RTN1: variants seen among roughly 807,000 people sequenced by gnomAD.
The protein encoded by RTN1 is reticulon-1.
In RTN1, 25 loss-of-function variants were observed where a neutral mutation model predicts 65.5. The observed-to-expected ratio is 0.38, with a 90% confidence interval of 0.28 to 0.53. The LOEUF (loss-of-function observed/expected upper bound fraction) is 0.53, where lower values mean the gene tolerates loss of function less well. Among genes scored for constraint, RTN1 ranks in the 20% least tolerant of loss-of-function variants. The pLI is 0.79. For missense variants in RTN1, 983 were observed against 1,025.4 expected, an observed-to-expected ratio of 0.96 and a Z score of 0.57; for synonymous variants, 471 against 447.6, an observed-to-expected ratio of 1.05 and a Z score of -0.66.
At chr14:59,709,660 G>A (rs1167862348) in intron 3 of RTN1, among the ~76,000 whole-genome samples, 3 of 152,108 alleles carry the variant, frequency 2.0e-5, no homozygotes, top group Admixed American at 1.3e-4. Context: ...GCCTATGGGG[G>A]TCCAGGCAGA....
At chr14:59,599,097 A>G (rs969760492) in intron 8 of RTN1, among the ~76,000 whole-genome samples, 2 of 152,198 alleles carry the variant, frequency 1.3e-5, no homozygotes, top group African/African-American at 2.4e-5. Context: ...TTTTTTAAAG[A>G]TGCTTCAGCA....
intron 1 of RTN1, among the ~76,000 whole-genome samples, chr14:59,751,177 G>C (rs1269457403): frequency 6.8e-6 from 1 of 146,564 alleles, no homozygotes; most frequent in Non-Finnish European, 1.5e-5. Context: ...TCTCAGCTAG[G>C]CTTCTCATTA....
intron 1 of RTN1, among the ~76,000 whole-genome samples, chr14:59,752,380 G>T (rs1343746487): frequency 1.3e-5 from 2 of 151,816 alleles, no homozygotes; most frequent in Non-Finnish European, 2.9e-5. Context: ...CTTTTATAAG[G>T]TCACTAATTC....
intron 3 of RTN1, among the ~76,000 whole-genome samples, chr14:59,668,163 A>C (rs1195427597): frequency 6.6e-6 from 1 of 152,224 alleles, no homozygotes; most frequent in Non-Finnish European, 1.5e-5. Context: ...CTACAGAAAA[A>C]GAACAAAGCT....
At chr14:59,607,147 G>T in intron 4 of RTN1, 138 bp downstream of exon 4, 1 of 659,044 alleles carries the variant, frequency 1.5e-6, no homozygotes, top group Non-Finnish European at 2.6e-6. Context: ...GATATTCAAA[G>T]ACAGGGTGTT....
In RTN1 at chr14:59,827,180, G is replaced by A. The variant is rs556577276; in HGVS notation, c.241+43210C>T. ...TGCGAGCTCTGTCTCCCGGGTTCAC[G>A]CCATTCTCCTGCCTCAACCTCCCGA... On this transcript the variant is annotated intron_variant, in intron 1 of 8. Coordinates refer to ENST00000267484, the MANE Select transcript of RTN1 (RefSeq NM_021136.3). 2.4e-3 allele frequency among the ~76,000 whole-genome samples: 359 copies of A among 152,210 alleles called. 2 individuals carry two copies. The highest frequency in any genetic ancestry group is 8.0e-3 in the African/African-American group (332 of 41,530).
rs1481272251 is a variant in RTN1, at chr14:59,829,235, C to T, written c.241+41155G>A. Among the ~76,000 whole-genome samples the T allele has an allele frequency of 3.3e-5, 5 of 152,082 alleles. No homozygotes were observed. Among genetic ancestry groups the T allele is most frequent in the South Asian group, 2.1e-4 (1 of 4,828 alleles). ...GAATAAGATGTACTCTCTTAGGGAGCCTGTGATCTGGCAGATGAGCAATAA... is the reference window on the plus strand; with the variant it reads ...GAATAAGATGTACTCTCTTAGGGAGTCTGTGATCTGGCAGATGAGCAATAA... On this transcript the variant is annotated intron_variant, in intron 1 of 8. Transcript: ENST00000267484. The surrounding 1 kb of genome is among the most constrained non-coding windows in gnomAD (Gnocchi z 4.3).
Position 59,844,033 on chromosome 14 carries a change from AT to A in RTN1, c.241+26356del, listed in dbSNP as rs1200225655. 7.9e-5 allele frequency among the ~76,000 whole-genome samples: 12 copies of A among 152,324 alleles called. No homozygotes were observed. The South Asian group carries it at 2.1e-3, about 26-fold the overall frequency. On this transcript the variant is annotated intron_variant, in intron 1 of 8. Transcript: ENST00000267484. ...TTGAGAATCTCGGCATTCTCTTAGG[AT>A]TCCCTTGCTCCCTGCCTCTTTGTGA...
chr14:59,769,085 C>G (rs1885904698), intron 1 of RTN1, among the ~76,000 whole-genome samples: 1 of 152,092 alleles, frequency 6.6e-6, no homozygotes, highest in Non-Finnish European at 1.5e-5. Context: ...AAGACTACGT[C>G]ATTGAATTCT....
intron 1 of RTN1, among the ~76,000 whole-genome samples, chr14:59,834,405 G>C: frequency 6.6e-6 from 1 of 152,116 alleles, no homozygotes. Flanking sequence ...AAAAGAGACT[G>C]TTAAGAGAAT....
intron 2 of RTN1, among the ~76,000 whole-genome samples, chr14:59,743,807 G>A (rs544974861): frequency 4.9e-4 from 74 of 152,184 alleles, no homozygotes; most frequent in African/African-American, 1.1e-3. Context: ...CGTCAGCACC[G>A]TACAATTCCC....
At position 59,851,597 on chromosome 14, in the gene RTN1, C is replaced by T. The variant is rs374413688; in HGVS notation, c.241+18793G>A. On this transcript the variant is annotated intron_variant, in intron 1 of 8. Coordinates refer to ENST00000267484, the MANE Select transcript of RTN1 (RefSeq NM_021136.3). ...CAATTTGGCCAGGCGTGGTGGCTCACGCCTGTAATCCCAGCACTTTGGGAG... is the reference window on the plus strand; with the variant it reads ...CAATTTGGCCAGGCGTGGTGGCTCATGCCTGTAATCCCAGCACTTTGGGAG... 1.5e-4 allele frequency among the ~76,000 whole-genome samples: 23 copies of T among 152,146 alleles called. No individual in the cohort carries two copies. In the East Asian group the frequency reaches 2.1e-3, roughly 14 times the overall value.
At chr14:59,680,696 C>T (rs1883728658) in intron 3 of RTN1, among the ~76,000 whole-genome samples, 1 of 152,122 alleles carries the variant, frequency 6.6e-6, no homozygotes, top group African/African-American at 2.4e-5. Context: ...TTCCAGAAAT[C>T]TATCTCAAGA....
intron 1 of RTN1, among the ~76,000 whole-genome samples, chr14:59,791,961 G>A (rs532415511): frequency 6.6e-6 from 1 of 151,994 alleles, no homozygotes; most frequent in African/African-American, 2.4e-5. Flanking sequence ...AATCAAGGAG[G>A]AATGGGAGAC....
intron 3 of RTN1, among the ~76,000 whole-genome samples, chr14:59,609,317 C>T (rs1386432343): frequency 2.6e-5 from 4 of 151,306 alleles, no homozygotes; most frequent in African/African-American, 4.8e-5. Flanking sequence ...TTCATTTGGC[C>T]TAATCCTTTT....
At chr14:59,759,076 T>C (rs975048290) in intron 1 of RTN1, among the ~76,000 whole-genome samples, 2 of 152,144 alleles carry the variant, frequency 1.3e-5, no homozygotes, top group Admixed American at 6.5e-5. Flanking sequence ...ACAGGTCCCA[T>C]ATGGCACATC....
chr14:59,600,672 TGATA>T (rs1260194966), intron 8 of RTN1, among the ~76,000 whole-genome samples: 9 of 152,212 alleles, frequency 5.9e-5, no homozygotes, highest in African/African-American at 9.6e-5. Flanking sequence ...TCCTCCTCTC[TGATA>T]GATAGTGAGA....
chr14:59,625,688 G>A (rs1232616480), intron 3 of RTN1, among the ~76,000 whole-genome samples: 2 of 152,024 alleles, frequency 1.3e-5, no homozygotes, highest in Non-Finnish European at 2.9e-5. Context: ...TGGGTAATTA[G>A]TGGCTTTTAT....
chr14:59,776,596 T>C (rs1886055272), intron 1 of RTN1, among the ~76,000 whole-genome samples: 1 of 152,112 alleles, frequency 6.6e-6, no homozygotes, highest in South Asian at 2.1e-4. Context: ...CTTGAAAGTG[T>C]TTGGTGAGGA....
Sources: allele counts gnomAD v4.1 joint callset (sites outside exome capture counted in the v4.1 genomes callset), GRCh38; gene constraint gnomAD v4.1.1; non-coding constraint Gnocchi (gnomAD v3.1); transcripts MANE v1.5; gene names NCBI Gene and HGNC (gene_info 2026-07-23, HGNC 2026-07-21).